Variants in TMTC2 observed in about 807,000 individuals in gnomAD.
TMTC2 encodes protein O-mannosyl-transferase TMTC2.
TMTC2 carries 43 observed loss-of-function variants against 82.4 expected under a neutral mutation model. The ratio of observed to expected loss-of-function variants is 0.52; its 90% confidence interval spans 0.41 to 0.67. TMTC2 has a LOEUF of 0.67. Ranked by LOEUF, TMTC2 falls within the 30% of genes least tolerant of loss-of-function variation. The probability of loss-of-function intolerance (pLI) is 0.00; values close to 1 mark genes in which losing one functional copy is unlikely to be tolerated. For synonymous variants in TMTC2, 408 were observed against 381.9 expected, an observed-to-expected ratio of 1.07 and a Z score of -0.80; for missense variants, 919 against 1,012.4, an observed-to-expected ratio of 0.91 and a Z score of 1.25.
intron 1 of TMTC2, among the ~76,000 whole-genome samples, chr12:82,811,557 T>G (rs1448527762): frequency 6.6e-6 from 1 of 151,952 alleles, no homozygotes; most frequent in African/African-American, 2.4e-5. Flanking sequence ...TAAGGAACAT[T>G]GGGGAAAATT....
intron 8 of TMTC2, among the ~76,000 whole-genome samples, chr12:83,011,251 T>C (rs1324943956): frequency 6.6e-6 from 1 of 152,250 alleles, no homozygotes; most frequent in African/African-American, 2.4e-5. Flanking sequence ...GCTGCACTTA[T>C]ATGAACGCTA....
At position 82,895,748 on chromosome 12, in the gene TMTC2, C is replaced by CT. The variant is rs1267971887; in HGVS notation, c.655-69dup. On this transcript the variant is annotated intron_variant, in intron 2 of 11. Transcript: ENST00000321196. Reference sequence around the variant, plus strand: ...GTCCATTTAAAAATGTATTTTATCTCTAAGTGTTAAGTGTTCCCATGCTGT... The same window carrying CT: ...GTCCATTTAAAAATGTATTTTATCTCTTAAGTGTTAAGTGTTCCCATGCTGT... 9.7e-6 allele frequency: 13 copies of CT among 1,346,082 alleles called. No homozygotes were observed. The East Asian group carries it at 2.6e-4, about 26-fold the overall frequency. 83.4% of individuals were successfully genotyped at this position (1,346,082 alleles called of 1,614,324 possible).
At chr12:82,837,973 T>C (rs1215781574) in intron 1 of TMTC2, among the ~76,000 whole-genome samples, 1 of 152,210 alleles carries the variant, frequency 6.6e-6, no homozygotes, top group Non-Finnish European at 1.5e-5. Context: ...CTGTGAAATC[T>C]TGGTTGAAAA....
chr12:82,902,311 A>G (rs765586061), intron 3 of TMTC2, among the ~76,000 whole-genome samples: 1 of 152,146 alleles, frequency 6.6e-6, no homozygotes, highest in Non-Finnish European at 1.5e-5. Flanking sequence ...GTTTATGCTT[A>G]GCCTCCAGCA....
At chr12:83,014,376 T>C (rs1386835372) in intron 8 of TMTC2, among the ~76,000 whole-genome samples, 1 of 152,174 alleles carries the variant, frequency 6.6e-6, no homozygotes, top group African/African-American at 2.4e-5. Context: ...AGTTTTGCTC[T>C]TGTTGCCAGG....
rs563888848 is a variant in TMTC2 at position 82,775,862 on chromosome 12, A to AT, written c.84-81142dup. ...TCAGTTTCCTTTTATGCTTCGTTTG[A>AT]TTTTTTCTCTGACACATTTATAATT... On this transcript the variant is annotated intron_variant, in intron 1 of 11. Transcript: ENST00000321196. 4.9e-4 allele frequency among the ~76,000 whole-genome samples: 74 copies of AT among 151,824 alleles called. No individual in the cohort carries two copies. In the East Asian group the frequency reaches 0.013, roughly 26 times the overall value.
In TMTC2 at chr12:82,985,908, A is replaced by C. The variant is rs759103624; in HGVS notation, c.1949-17A>C. The C allele has an allele frequency of 1.2e-6, 2 of 1,610,968 alleles. No homozygotes were observed. Among genetic ancestry groups the C allele is most frequent in the Non-Finnish European group, 1.7e-6 (2 of 1,177,822 alleles). On this transcript the variant is annotated splice_polypyrimidine_tract_variant and intron_variant, in intron 7 of 11. Transcript: ENST00000321196. ...CTGTATCCTCCCTTTGACCTTCATG[A>C]TTAATTCTCTTTCCAGGTGAAGCAT...
chr12:83,116,988 A>G (rs1229563099), intron 11 of TMTC2, among the ~76,000 whole-genome samples: 4 of 152,158 alleles, frequency 2.6e-5, no homozygotes, highest in African/African-American at 4.8e-5. Flanking sequence ...GCTCTTGATC[A>G]TGAAATCCTT....
At chr12:83,004,879 C>T (rs1173777822) in intron 8 of TMTC2, among the ~76,000 whole-genome samples, 8 of 150,848 alleles carry the variant, frequency 5.3e-5, no homozygotes, top group African/African-American at 1.9e-4. Context: ...AATTCCAGCA[C>T]TTTGGGAGGC....
At chr12:82,740,019 A>G (rs1256352070) in intron 1 of TMTC2, among the ~76,000 whole-genome samples, 2 of 152,102 alleles carry the variant, frequency 1.3e-5, no homozygotes, top group Admixed American at 6.6e-5. Flanking sequence ...TTGAACATAT[A>G]CATGTAATGG....
At chr12:83,065,223 T>C (rs182672055) in intron 11 of TMTC2, among the ~76,000 whole-genome samples, 8 of 152,098 alleles carry the variant, frequency 5.3e-5, no homozygotes, top group Non-Finnish European at 1.2e-4. Flanking sequence ...ATTCCATTTC[T>C]TCAATATGTC....
intron 1 of TMTC2, among the ~76,000 whole-genome samples, chr12:82,708,010 C>T (rs1017046383): frequency 6.6e-6 from 1 of 152,084 alleles, no homozygotes; most frequent in Non-Finnish European, 1.5e-5. Context: ...TTATCTGTCT[C>T]GAGGGTGAGC....
Position 83,061,843 on chromosome 12 carries a change from C to T in TMTC2, c.2331+12C>T. ...GGCTGAGGCCTAATGTAAGTACTTC[C>T]CTAATGAGAAACATTTTCAGAGGGA... On this transcript the variant is annotated intron_variant, in intron 11 of 11. Coordinates refer to ENST00000321196, the MANE Select transcript of TMTC2 (RefSeq NM_152588.3). 1 of 1,569,322 alleles carries T rather than the reference C, an allele frequency of 6.4e-7. No homozygotes were observed. The highest frequency in any genetic ancestry group is 8.6e-7 in the Non-Finnish European group (1 of 1,158,466).
chr12:82,797,364 C>T (rs541988726), intron 1 of TMTC2, among the ~76,000 whole-genome samples: 10 of 152,260 alleles, frequency 6.6e-5, no homozygotes, highest in African/African-American at 2.4e-4. Context: ...ACTTCTGTAG[C>T]ATAATGAATT....
At chr12:83,038,121 A>C in intron 9 of TMTC2, among the ~76,000 whole-genome samples, 1 of 121,938 alleles carries the variant, frequency 8.2e-6, no homozygotes, top group Non-Finnish European at 1.6e-5. Flanking sequence ...GGAACATCAC[A>C]CACCGGGACC....
At chr12:82,828,302 CTCCTGGGTTCAAGCAATTA>C (rs907896247) in intron 1 of TMTC2, among the ~76,000 whole-genome samples, 1 of 150,808 alleles carries the variant, frequency 6.6e-6, no homozygotes, top group Non-Finnish European at 1.5e-5. Context: ...CAACCTCTGC[CTCCTGGGTTCAAGCAATTA>C]TCCTGCCTCA....
In TMTC2 at chr12:82,972,817, T is replaced by A. The variant is rs115797941; in HGVS notation, c.1948+5820T>A. On this transcript the variant is annotated intron_variant, in intron 7 of 11. Transcript: ENST00000321196. ...GTCAGCAGAAGGAGCATAAAGGAAG[T>A]CTGTTTCTTTCTCAGCCTTCTGTGT... 9.3e-3 allele frequency among the ~76,000 whole-genome samples: 1,422 copies of A among 152,278 alleles called. 18 individuals are homozygous for A. Among genetic ancestry groups the A allele is most frequent in the African/African-American group, 0.033 (1,364 of 41,574 alleles).
At chr12:82,798,576 T>A in intron 1 of TMTC2, among the ~76,000 whole-genome samples, 1 of 146,194 alleles carries the variant, frequency 6.8e-6, no homozygotes. Context: ...GAGGCCGAGG[T>A]GGTTGGATCA....
chr12:83,034,447 T>TA (rs1336475332), intron 9 of TMTC2, among the ~76,000 whole-genome samples: 1 of 152,028 alleles, frequency 6.6e-6, no homozygotes, highest in Non-Finnish European at 1.5e-5. Context: ...GAACCAGAAG[T>TA]AGAGCCCATA....
Sources: gnomAD v4.1 joint callset for allele counts (sites outside exome capture counted in the v4.1 genomes callset) on GRCh38, gnomAD v4.1.1 for gene constraint, MANE v1.5 for transcripts, NCBI Gene and HGNC (gene_info 2026-07-23, HGNC 2026-07-21) for gene names.